RAD51B: variants seen among roughly 807,000 people sequenced by gnomAD.
RAD51B encodes the protein DNA repair protein RAD51 homolog 2.
A neutral mutation model predicts 42.2 loss-of-function variants in RAD51B; 38 were observed. That is an observed-to-expected ratio of 0.90 (90% CI 0.70 to 1.18). RAD51B has a LOEUF of 1.18. Ranked by LOEUF, RAD51B falls within the 50% of genes most tolerant of loss-of-function variation. The pLI, the probability that RAD51B is intolerant of heterozygous loss-of-function variation, is 0.00. For synonymous variants in RAD51B, 154 were observed against 145.2 expected (o/e 1.06, Z -0.43); for missense variants, 373 against 400.7 (o/e 0.93, Z 0.59).
At chr14:68,250,474 A>T (rs2080603301) in intron 7 of RAD51B, among the ~76,000 whole-genome samples, 1 of 152,250 alleles carries the variant, frequency 6.6e-6, no homozygotes, top group African/African-American at 2.4e-5. Flanking sequence ...CTTTTAAGGG[A>T]AACAATCACA....
intron 10 of RAD51B, chr14:68,627,138 A>G (rs1357027430): frequency 1.3e-5 from 2 of 152,186 alleles, no homozygotes; most frequent in Non-Finnish European, 2.9e-5. Flanking sequence ...ACCAGCCCAC[A>G]TTTAAGAATG....
chr14:68,410,688 C>A (rs2084392840), intron 8 of RAD51B, among the ~76,000 whole-genome samples: 1 of 152,024 alleles, frequency 6.6e-6, no homozygotes, highest in African/African-American at 2.4e-5. Flanking sequence ...GGCTTGCCTT[C>A]AAGGGGGAAG....
intron 8 of RAD51B, among the ~76,000 whole-genome samples, chr14:68,311,389 ACCTAGGACAT>A (rs1438866495): frequency 6.6e-6 from 1 of 152,246 alleles, no homozygotes; most frequent in Non-Finnish European, 1.5e-5. Context: ...ACCAGCAGTG[ACCTAGGACAT>A]CCTGAATTCT....
chr14:68,650,039 C>T (rs1249870755), intron 10 of RAD51B, among the ~76,000 whole-genome samples: 1 of 152,170 alleles, frequency 6.6e-6, no homozygotes, highest in African/African-American at 2.4e-5. Flanking sequence ...AAGTCACTCC[C>T]CCCGCAGAGC....
chr14:68,252,167 G>GA (rs11392735), intron 7 of RAD51B, among the ~76,000 whole-genome samples: 4,381 of 152,202 alleles, frequency 0.029, 135 homozygotes, highest in African/African-American at 0.079. Context: ...GCTAAATTTT[G>GA]AAACAAGGTG....
intron 7 of RAD51B, among the ~76,000 whole-genome samples, chr14:68,200,471 A>G (rs1302610114): frequency 1.3e-5 from 2 of 152,182 alleles, no homozygotes; most frequent in Non-Finnish European, 2.9e-5. Context: ...ACTATGGAAA[A>G]TTCTTGAACA....
intron 10 of RAD51B, among the ~76,000 whole-genome samples, chr14:68,525,403 A>G (rs544671102): frequency 2.6e-5 from 4 of 152,274 alleles, no homozygotes; most frequent in Non-Finnish European, 5.9e-5. Flanking sequence ...TACAACAGCA[A>G]TAAGAAAGTA....
intron 7 of RAD51B, among the ~76,000 whole-genome samples, chr14:68,045,190 C>T (rs1004890294): frequency 3.4e-4 from 46 of 137,080 alleles, no homozygotes; most frequent in African/African-American, 1.1e-3. Context: ...GAGCCAAGAT[C>T]GCGCCATTGC....
rs555491631 is a variant in RAD51B, at chr14:68,359,463, T to C, written c.854-51961T>C. On this transcript the variant is annotated intron_variant, in intron 8 of 10. Transcript: ENST00000471583. The stretch of plus-strand genomic sequence containing the variant: ...GGAGGGAGAATGAAAACGGGGGCAA[T>C]CACTGGGGTTGGGGGAGTCCCTTCT... 2.0e-5 allele frequency among the ~76,000 whole-genome samples: 3 copies of C among 151,952 alleles called. No individual in the cohort carries two copies. In the East Asian group the frequency reaches 5.8e-4, roughly 29 times the overall value.
intron 9 of RAD51B, among the ~76,000 whole-genome samples, chr14:68,421,003 G>C (rs938524161): frequency 1.3e-5 from 2 of 152,188 alleles, no homozygotes; most frequent in African/African-American, 4.8e-5. Context: ...TTTCCTGAAC[G>C]ATGATTAGAC....
intron 8 of RAD51B, among the ~76,000 whole-genome samples, chr14:68,330,851 G>T (rs1259232782): frequency 1.3e-5 from 2 of 152,154 alleles, no homozygotes; most frequent in East Asian, 3.9e-4. Flanking sequence ...GTTTAGTATT[G>T]GTGACAGTGT....
chr14:68,005,497 G>A (rs1053515934), intron 7 of RAD51B, among the ~76,000 whole-genome samples: 3 of 152,136 alleles, frequency 2.0e-5, no homozygotes, highest in African/African-American at 7.2e-5. Context: ...CATGTATTTA[G>A]CTTAGTGATG....
chr14:68,446,816 C>T (rs1480447892), intron 9 of RAD51B, among the ~76,000 whole-genome samples: 4 of 152,152 alleles, frequency 2.6e-5, no homozygotes, highest in Non-Finnish European at 4.4e-5. Flanking sequence ...CCAACTGTGC[C>T]TCAGGTCAGT....
chr14:67,923,282 C>CTTTCTT (rs1339912697), intron 7 of RAD51B, among the ~76,000 whole-genome samples: 7 of 139,698 alleles, frequency 5.0e-5, no homozygotes, highest in Non-Finnish European at 7.7e-5. Flanking sequence ...CAATTTCTTT[C>CTTTCTT]TTTCTTTTTC....
chr14:68,216,137 G>A (rs2079809598), intron 7 of RAD51B, among the ~76,000 whole-genome samples: 2 of 152,204 alleles, frequency 1.3e-5, no homozygotes, highest in South Asian at 4.1e-4. Flanking sequence ...GAGGTTCAAT[G>A]CAAAGAGCTC....
chr14:68,428,675 G>T (rs1014127305), intron 9 of RAD51B, among the ~76,000 whole-genome samples: 1 of 136,714 alleles, frequency 7.3e-6, no homozygotes, highest in Admixed American at 7.4e-5. Flanking sequence ...TGTCCCCCAG[G>T]TTCATCCATG....
At chr14:68,179,777 G>A (rs539313252) in intron 7 of RAD51B, among the ~76,000 whole-genome samples, 2 of 152,218 alleles carry the variant, frequency 1.3e-5, no homozygotes, top group East Asian at 3.9e-4. Context: ...ACCATAGAAA[G>A]CATGCATTAG....
At chr14:67,869,444 C>T (rs1042706584) in intron 5 of RAD51B, among the ~76,000 whole-genome samples, 2 of 152,058 alleles carry the variant, frequency 1.3e-5, no homozygotes, top group African/African-American at 4.8e-5. Context: ...TGTGAAAAGA[C>T]CAAATCTACG....
At chr14:68,660,315 G>C (rs1470714919) in intron 11 of RAD51B, among the ~76,000 whole-genome samples, 2 of 152,240 alleles carry the variant, frequency 1.3e-5, no homozygotes, top group Non-Finnish European at 1.5e-5. Context: ...TTTAGTTTGT[G>C]AATCGTGGAT....
Sources: gnomAD v4.1 joint callset for allele counts (sites outside exome capture counted in the v4.1 genomes callset) on GRCh38, gnomAD v4.1.1 for gene constraint, MANE v1.5 for transcripts, NCBI Gene and HGNC (gene_info 2026-07-23, HGNC 2026-07-21) for gene names.